The following ANK2 variants were observed in gnomAD, a reference collection of about 807,000 sequenced individuals.
ANK2 encodes the protein ankyrin 2, also known as ankyrin-2.
Under a neutral mutation model 360.5 loss-of-function variants are expected in ANK2, and 83 were observed. That is an observed-to-expected ratio of 0.23 (90% CI 0.19 to 0.28). The LOEUF is 0.28. Ranked by LOEUF, ANK2 falls within the 10% of genes least tolerant of loss-of-function variation. ANK2 has a pLI of 1.00. For missense variants in ANK2, 4,201 were observed against 4,795.7 expected, an observed-to-expected ratio of 0.88 and a Z score of 3.66; for synonymous variants, 1,740 against 1,759.5, an observed-to-expected ratio of 0.99 and a Z score of 0.28.
intron 1 of ANK2, among the ~76,000 whole-genome samples, chr4:112,859,977 C>G (rs974796240): frequency 2.6e-5 from 4 of 152,192 alleles, no homozygotes; most frequent in African/African-American, 9.7e-5. Context: ...TGACCATTCT[C>G]TACTAAATAA....
chr4:112,737,372 A>G, the ANK2 span, among the ~76,000 whole-genome samples: 1 of 152,246 alleles, frequency 6.6e-6, no homozygotes, highest in Non-Finnish European at 1.5e-5. Context: ...ATACATGCAC[A>G]TAGAGCACAT....
At chr4:113,054,861 C>T (rs1298962481) in intron 1 of ANK2, among the ~76,000 whole-genome samples, 1 of 152,134 alleles carries the variant, frequency 6.6e-6, no homozygotes, top group Non-Finnish European at 1.5e-5. Flanking sequence ...TTTCTATTTA[C>T]TCACTTTTAT....
At chr4:113,122,630 T>C (rs970331513) in intron 1 of ANK2, among the ~76,000 whole-genome samples, 1 of 152,158 alleles carries the variant, frequency 6.6e-6, no homozygotes, top group Non-Finnish European at 1.5e-5. Flanking sequence ...TTCTTATGTC[T>C]TAGTGTCTAC....
At chr4:112,938,437 T>C (rs1253968573) in intron 2 of ANK2, among the ~76,000 whole-genome samples, 1 of 152,220 alleles carries the variant, frequency 6.6e-6, no homozygotes, top group Admixed American at 6.5e-5. Context: ...GGGGTATGAT[T>C]AAGATCATGC....
chr4:112,805,167 C>T, the ANK2 span, among the ~76,000 whole-genome samples: 2 of 152,116 alleles, frequency 1.3e-5, no homozygotes, highest in Non-Finnish European at 2.9e-5. Flanking sequence ...TGGGCTGAGT[C>T]AGACCACTGT....
At chr4:113,372,583 G>A (rs2096777586) in intron 43 of ANK2, 5 of 1,535,822 alleles carry the variant, frequency 3.3e-6, no homozygotes, top group Non-Finnish European at 4.4e-6. Context: ...ATGAGGAGGC[G>A]ATGGTAACTA....
At chr4:112,729,982 A>T in the ANK2 span, among the ~76,000 whole-genome samples, 1 of 152,152 alleles carries the variant, frequency 6.6e-6, no homozygotes, top group Non-Finnish European at 1.5e-5. Context: ...AATGTTAGTT[A>T]TCAGGGGTAG....
rs764091561 is a variant in ANK2, at chr4:113,196,604, C to T, written c.285+138C>T. 23 of 804,896 alleles carry T rather than the reference C, an allele frequency of 2.9e-5. 1 individual carries two copies. Among genetic ancestry groups the T allele is most frequent in the East Asian group, 2.2e-4 (8 of 36,444 alleles). 49.9% of individuals were successfully genotyped at this position (804,896 alleles called of 1,614,324 possible). ...GTGCAGTGGTACAATCACGGCTCAC[C>T]GAAACCTCCACCTCCTGGGCTCAAG... On this transcript the variant is annotated intron_variant, in intron 3 of 45. Coordinates refer to ENST00000357077, the MANE Select transcript of ANK2 (RefSeq NM_001148.6).
intron 2 of ANK2, among the ~76,000 whole-genome samples, chr4:112,949,218 A>G (rs982200234): frequency 1.3e-5 from 2 of 152,162 alleles, no homozygotes; most frequent in Admixed American, 6.5e-5. Flanking sequence ...CTCTCCAGGT[A>G]AGTAAAACTT....
At chr4:112,710,006 T>C in the ANK2 span, among the ~76,000 whole-genome samples, 125 of 152,166 alleles carry the variant, frequency 8.2e-4, no homozygotes, top group Non-Finnish European at 1.5e-3. Flanking sequence ...TGTGGAAACA[T>C]TGAGACCTCC....
At chr4:113,162,078 G>A (rs17045700) in intron 1 of ANK2, among the ~76,000 whole-genome samples, 1 of 151,964 alleles carries the variant, frequency 6.6e-6, no homozygotes, top group South Asian at 2.1e-4. Context: ...CAATTTTAGG[G>A]TATTCTGTTC....
intron 1 of ANK2, among the ~76,000 whole-genome samples, chr4:113,167,603 T>A (rs891474466): frequency 1.3e-5 from 2 of 152,026 alleles, no homozygotes; most frequent in African/African-American, 4.8e-5. Flanking sequence ...CCCGGCCAGG[T>A]CACCATCTTT....
At chr4:112,907,421 C>A (rs1435248700) in intron 2 of ANK2, among the ~76,000 whole-genome samples, 1 of 152,098 alleles carries the variant, frequency 6.6e-6, no homozygotes, top group African/African-American at 2.4e-5. Context: ...TAAAATCTGG[C>A]ATTAGCAAAG....
chr4:113,185,929 C>A (rs1271919387), intron 2 of ANK2, among the ~76,000 whole-genome samples: 1 of 152,140 alleles, frequency 6.6e-6, no homozygotes, highest in Non-Finnish European at 1.5e-5. Flanking sequence ...CTGCATATGG[C>A]TAGCCAGTTT....
chr4:112,941,812 A>C (rs2094244003), intron 2 of ANK2, among the ~76,000 whole-genome samples: 1 of 150,200 alleles, frequency 6.7e-6, no homozygotes, highest in African/African-American at 2.4e-5. Flanking sequence ...TATATTTTTT[A>C]ATGTATGCAT....
intron 1 of ANK2, chr4:113,146,144 C>G: frequency 1.2e-5 from 11 of 915,598 alleles, no homozygotes; most frequent in Non-Finnish European, 1.6e-5. Flanking sequence ...CTGACTACCT[C>G]TGATCAAGTG....
chr4:112,750,291 G>A, the ANK2 span, among the ~76,000 whole-genome samples: 1 of 152,038 alleles, frequency 6.6e-6, no homozygotes, highest in Admixed American at 6.6e-5. Flanking sequence ...AATCTGGGAG[G>A]TGGAGGTTGC....
At chr4:112,971,057 C>G (rs143370957) in intron 2 of ANK2, among the ~76,000 whole-genome samples, 1,631 of 151,960 alleles carry the variant, frequency 0.011, 18 homozygotes, top group Middle Eastern at 0.034. Flanking sequence ...CATAAAATAT[C>G]TTAAAGAATA....
At position 113,333,353 on chromosome 4, in the gene ANK2, G is replaced by C. The variant is rs938677120; in HGVS notation, c.3379+145G>C. ...GTGTCCCTTGTGGTATTTTACTACA[G>C]CAGGTAATCTGCTTTGCTCCTGTAG... On this transcript the variant is annotated intron_variant, in intron 29 of 45. Transcript: ENST00000357077. 3.3e-5 allele frequency: 37 copies of C among 1,113,010 alleles called. No individual in the cohort carries two copies. In the Middle Eastern group the frequency reaches 1.3e-3, roughly 38 times the overall value. The allele number at this position is 1,113,010 out of a possible 1,614,324, so 68.9% of individuals were successfully genotyped here. A position where few individuals can be genotyped will look rare whatever the true frequency, so the allele number is the denominator to read the frequency against.
Sources: allele counts gnomAD v4.1 joint callset (sites outside exome capture counted in the v4.1 genomes callset), GRCh38; gene constraint gnomAD v4.1.1; transcripts MANE v1.5; gene names NCBI Gene and HGNC (gene_info 2026-07-23, HGNC 2026-07-21).